The following RHBDD1 variants were observed in gnomAD, a reference collection of about 807,000 sequenced individuals.
The protein encoded by RHBDD1 is rhomboid-related protein 4.
RHBDD1 carries 38 observed loss-of-function variants against 36.3 expected under a neutral mutation model. The observed-to-expected ratio is 1.05, with a 90% CI of 0.81 to 1.37. The LOEUF (loss-of-function observed/expected upper bound fraction) is 1.37. Ranked by LOEUF, RHBDD1 falls within the 40% of genes most tolerant of loss-of-function variation. RHBDD1 has a pLI of 0.00. For synonymous variants in RHBDD1, 151 were observed against 136.5 expected (o/e 1.11, Z -0.74); for missense variants, 393 against 377.6 (o/e 1.04, Z -0.34).
At chr2:226,845,565 T>C (rs1942125908) in intron 3 of RHBDD1, among the ~76,000 whole-genome samples, 1 of 152,242 alleles carries the variant, frequency 6.6e-6, no homozygotes. Context: ...CCCATCTCTT[T>C]ACTTTCAGTT....
chr2:226,932,022 C>A (rs576284863), intron 8 of RHBDD1, among the ~76,000 whole-genome samples: 2 of 152,030 alleles, frequency 1.3e-5, no homozygotes, highest in African/African-American at 4.8e-5. Flanking sequence ...TTTATAGTTT[C>A]GAACATGCAG....
chr2:226,965,259 G>A (rs958637717), intron 8 of RHBDD1, among the ~76,000 whole-genome samples: 1 of 152,202 alleles, frequency 6.6e-6, no homozygotes, highest in Admixed American at 6.5e-5. Context: ...CACCACCCAA[G>A]CTGGGCTAGA....
intron 5 of RHBDD1, among the ~76,000 whole-genome samples, chr2:226,882,788 T>G (rs1178215172): frequency 1.3e-5 from 2 of 152,172 alleles, no homozygotes; most frequent in Non-Finnish European, 2.9e-5. Flanking sequence ...ACTGTGTGGC[T>G]TACACAACAG....
At chr2:226,978,005 C>T (rs1954902835) in intron 8 of RHBDD1, among the ~76,000 whole-genome samples, 1 of 152,214 alleles carries the variant, frequency 6.6e-6, no homozygotes, top group African/African-American at 2.4e-5. Flanking sequence ...ATAAATGACT[C>T]ATAGAAGTAT....
chr2:226,850,918 T>G (rs1201950930), intron 3 of RHBDD1, among the ~76,000 whole-genome samples: 1 of 152,158 alleles, frequency 6.6e-6, no homozygotes, highest in Non-Finnish European at 1.5e-5. Flanking sequence ...TACAACTCTA[T>G]TACGTGTGTT....
At chr2:226,845,864 A>G (rs1193157734) in intron 3 of RHBDD1, among the ~76,000 whole-genome samples, 1 of 152,250 alleles carries the variant, frequency 6.6e-6, no homozygotes, top group African/African-American at 2.4e-5. Flanking sequence ...AATTAATTAT[A>G]ACCATAATGA....
chr2:226,857,031 C>T (rs544292108), intron 3 of RHBDD1, among the ~76,000 whole-genome samples: 25 of 151,924 alleles, frequency 1.6e-4, no homozygotes, highest in Non-Finnish European at 5.9e-5. Flanking sequence ...GTGGTTTCAC[C>T]TTTTTTTCTG....
chr2:226,904,922 T>A (rs570991724), intron 5 of RHBDD1, among the ~76,000 whole-genome samples: 87 of 152,286 alleles, frequency 5.7e-4, no homozygotes, highest in African/African-American at 1.9e-3. Context: ...GGTTTTAACT[T>A]ACCTCCTGTT....
In RHBDD1 at chr2:226,880,671, G is replaced by A. The variant is rs546727299; in HGVS notation, c.566+13353G>A. 8.5e-5 allele frequency among the ~76,000 whole-genome samples: 13 copies of A among 152,152 alleles called. No homozygotes were observed. The South Asian group carries it at 1.4e-3, about 17-fold the overall frequency. On this transcript the variant is annotated intron_variant, in intron 5 of 8. Coordinates refer to ENST00000392062, the MANE Select transcript of RHBDD1 (RefSeq NM_001167608.3). Reference sequence around the variant, plus strand: ...TGATCTTCCCATTCCCTGACCCACCGTGGGAAGAACTTAGAGCACAACTGG... The same window carrying A: ...TGATCTTCCCATTCCCTGACCCACCATGGGAAGAACTTAGAGCACAACTGG...
intron 8 of RHBDD1, among the ~76,000 whole-genome samples, chr2:226,954,598 C>T (rs1054218452): frequency 6.6e-6 from 1 of 151,830 alleles, no homozygotes; most frequent in Non-Finnish European, 1.5e-5. Context: ...CCGACCCCCA[C>T]CAACCAAAAA....
At chr2:226,984,381 C>T (rs1181548881) in intron 8 of RHBDD1, among the ~76,000 whole-genome samples, 2 of 152,222 alleles carry the variant, frequency 1.3e-5, no homozygotes, top group African/African-American at 2.4e-5. Flanking sequence ...TGGCTGCCTT[C>T]TCACTGTGAC....
chr2:226,804,091 C>G, the RHBDD1 span: 4 of 152,202 alleles, frequency 2.6e-5, no homozygotes, highest in African/African-American at 9.6e-5. Flanking sequence ...AGAACAACAG[C>G]AAGAAAAATT....
chr2:226,803,183 G>T, the RHBDD1 span, among the ~76,000 whole-genome samples: 12 of 152,096 alleles, frequency 7.9e-5, no homozygotes, highest in Non-Finnish European at 1.5e-4. Context: ...TTTTAAGATG[G>T]CTCAATAGTA....
the RHBDD1 span, among the ~76,000 whole-genome samples, chr2:226,806,412 T>G: frequency 6.6e-6 from 1 of 152,216 alleles, no homozygotes; most frequent in Non-Finnish European, 1.5e-5. Flanking sequence ...CCCACCTCCA[T>G]GAGTTTTATG....
At chr2:226,977,227 C>G (rs994548935) in intron 8 of RHBDD1, among the ~76,000 whole-genome samples, 1 of 152,188 alleles carries the variant, frequency 6.6e-6, no homozygotes, top group Non-Finnish European at 1.5e-5. Flanking sequence ...TGTGTCTCCC[C>G]TTCGGCAAGC....
chr2:226,932,615 C>T (rs148975611), intron 8 of RHBDD1, among the ~76,000 whole-genome samples: 20 of 152,138 alleles, frequency 1.3e-4, no homozygotes, highest in African/African-American at 4.8e-4. Context: ...TCTCCTTCCA[C>T]TCCCTTGTCC....
At chr2:226,886,315 C>T (rs969402314) in intron 5 of RHBDD1, among the ~76,000 whole-genome samples, 6 of 152,102 alleles carry the variant, frequency 3.9e-5, no homozygotes, top group African/African-American at 1.4e-4. Context: ...TCTGGCCCAG[C>T]TAAAGATAAA....
At chr2:226,855,661 T>G (rs1943251599) in intron 3 of RHBDD1, among the ~76,000 whole-genome samples, 1 of 152,218 alleles carries the variant, frequency 6.6e-6, no homozygotes, top group African/African-American at 2.4e-5. Flanking sequence ...ACCATTGTAT[T>G]AAAGGTCTCA....
chr2:226,922,719 T>C (rs191529277), intron 8 of RHBDD1, among the ~76,000 whole-genome samples: 1 of 152,278 alleles, frequency 6.6e-6, no homozygotes, highest in African/African-American at 2.4e-5. Context: ...GCCTTCCTTT[T>C]AGTGAGTGAT....
Sources: gnomAD v4.1 joint callset for allele counts (sites outside exome capture counted in the v4.1 genomes callset) on GRCh38, gnomAD v4.1.1 for gene constraint, MANE v1.5 for transcripts, NCBI Gene and HGNC (gene_info 2026-07-23, HGNC 2026-07-21) for gene names.